The following SYT14 variants were observed in gnomAD, a reference collection of about 807,000 sequenced individuals.
SYT14 encodes synaptotagmin 14, also known as synaptotagmin-14.
A neutral mutation model predicts 74.2 loss-of-function variants in SYT14; 32 were observed. The ratio of observed to expected loss-of-function variants is 0.43; its 90% CI spans 0.33 to 0.58. SYT14 has a LOEUF of 0.58. SYT14 is among the 20% of genes least tolerant of loss of function. The pLI, the probability that SYT14 is intolerant of heterozygous loss-of-function variation, is 0.05. For missense variants in SYT14, 791 were observed against 981.8 expected (o/e 0.81, Z 2.60); for synonymous variants, 298 against 337.7 (o/e 0.88, Z 1.29).
At chr1:209,958,384 A>G (rs557967012) in intron 2 of SYT14, among the ~76,000 whole-genome samples, 1 of 151,964 alleles carries the variant, frequency 6.6e-6, no homozygotes, top group East Asian at 1.9e-4. Flanking sequence ...TTGATTTTCC[A>G]TATAAAGTTC....
chr1:210,043,051 C>A (rs12059259), intron 5 of SYT14, among the ~76,000 whole-genome samples: 24,791 of 152,042 alleles, frequency 0.16, 6,419 homozygotes, highest in African/African-American at 0.55. Flanking sequence ...TGTAGTTCTC[C>A]TTGAAGAGGT....
exon 10 of SYT14, chr1:210,164,724 G>A (rs2083437833): frequency 6.6e-6 from 1 of 152,030 alleles, no homozygotes; most frequent in African/African-American, 2.4e-5. Flanking sequence ...TGCCTACATA[G>A]ACTAGACAAT....
intron 7 of SYT14, among the ~76,000 whole-genome samples, chr1:210,141,980 C>T (rs2082924420): frequency 1.3e-5 from 2 of 152,212 alleles, no homozygotes; most frequent in Non-Finnish European, 2.9e-5. Flanking sequence ...AGAGCCAGTA[C>T]TGCTTCTTTG....
chr1:210,157,441 T>TA (rs879726502), intron 8 of SYT14, among the ~76,000 whole-genome samples: 392 of 118,244 alleles, frequency 3.3e-3, no homozygotes, highest in Middle Eastern at 8.2e-3. Flanking sequence ...GACCCTGTCT[T>TA]AAAAAAAAAA....
chr1:209,964,806 C>G (rs1397421887), intron 2 of SYT14, among the ~76,000 whole-genome samples: 1 of 151,806 alleles, frequency 6.6e-6, no homozygotes, highest in Non-Finnish European at 1.5e-5. Context: ...CACCCTCTTC[C>G]TAGCTTGCAA....
At chr1:210,140,307 A>G (rs2082888368) in intron 7 of SYT14, among the ~76,000 whole-genome samples, 1 of 152,066 alleles carries the variant, frequency 6.6e-6, no homozygotes. Context: ...TTGCCTTTGG[A>G]TAAATTTGGA....
chr1:209,947,706 A>T (rs952793292), intron 1 of SYT14, among the ~76,000 whole-genome samples: 2 of 152,252 alleles, frequency 1.3e-5, no homozygotes, highest in African/African-American at 4.8e-5. Flanking sequence ...AAGAAACTGT[A>T]GGGTTTGAGA....
At chr1:210,004,277 T>C (rs563315938) in intron 2 of SYT14, among the ~76,000 whole-genome samples, 2 of 152,194 alleles carry the variant, frequency 1.3e-5, no homozygotes, top group Non-Finnish European at 2.9e-5. Flanking sequence ...TGTATCTTTC[T>C]TTCTTTCAGA....
At position 210,000,716 on chromosome 1, in the gene SYT14, T is replaced by A. The variant is rs553097411; in HGVS notation, c.-485-12917T>A. The stretch of plus-strand genomic sequence containing the variant: ...TGCAACCTCTGCCCTCCGAGTCAAG[T>A]GATTCTCCTGCCTCAGCCTCCCTAG... On this transcript the variant is annotated intron_variant, in intron 2 of 9. Coordinates refer to ENST00000637265, the Ensembl canonical transcript of SYT14. Among the ~76,000 whole-genome samples, 33 of 147,684 alleles carry A rather than the reference T, an allele frequency of 2.2e-4. No homozygotes were observed. The South Asian group carries it at 6.8e-3, about 31-fold the overall frequency.
At chr1:210,083,696 A>G (rs1192126681) in intron 5 of SYT14, among the ~76,000 whole-genome samples, 1 of 151,526 alleles carries the variant, frequency 6.6e-6, no homozygotes, top group Non-Finnish European at 1.5e-5. Flanking sequence ...CAGCCTCCTG[A>G]GTAGCTGGGA....
intron 5 of SYT14, among the ~76,000 whole-genome samples, chr1:210,088,296 C>T (rs2081782763): frequency 6.6e-6 from 1 of 151,474 alleles, no homozygotes; most frequent in Non-Finnish European, 1.5e-5. Flanking sequence ...GTTTGCTGCA[C>T]TGATCAACCG....
chr1:210,044,549 C>G (rs2080851103), intron 5 of SYT14, among the ~76,000 whole-genome samples: 1 of 152,154 alleles, frequency 6.6e-6, no homozygotes, highest in Non-Finnish European at 1.5e-5. Context: ...TTCTGCCAGG[C>G]AATGTGATAG....
At chr1:209,964,775 A>G (rs967198891) in intron 2 of SYT14, among the ~76,000 whole-genome samples, 3 of 152,140 alleles carry the variant, frequency 2.0e-5, no homozygotes, top group African/African-American at 7.2e-5. Context: ...CAAGGTTTTC[A>G]TGGAGGGCTT....
At chr1:209,997,250 A>T (rs1212228497) in intron 2 of SYT14, among the ~76,000 whole-genome samples, 1 of 152,150 alleles carries the variant, frequency 6.6e-6, no homozygotes, top group East Asian at 1.9e-4. Context: ...GGCTGCAAGA[A>T]CTGATGAACA....
chr1:210,073,957 G>T (rs2081442425), intron 5 of SYT14, among the ~76,000 whole-genome samples: 1 of 152,036 alleles, frequency 6.6e-6, no homozygotes, highest in Admixed American at 6.5e-5. Flanking sequence ...ATTTCAAGTT[G>T]TTGATTGAGT....
chr1:210,023,356 T>C (rs928683703), intron 5 of SYT14, among the ~76,000 whole-genome samples: 8 of 152,050 alleles, frequency 5.3e-5, no homozygotes, highest in Non-Finnish European at 1.2e-4. Flanking sequence ...AAAGACAAAC[T>C]TTCTTGAGAT....
exon 10 of SYT14, chr1:210,162,293 G>A: frequency 2.3e-6 from 1 of 441,288 alleles, no homozygotes; most frequent in Non-Finnish European, 4.5e-6. Context: ...GCAAAATTAA[G>A]CCTTCGATTT....
chr1:210,105,046 C>CG (rs2082134499), intron 7 of SYT14, among the ~76,000 whole-genome samples: 2 of 151,904 alleles, frequency 1.3e-5, no homozygotes, highest in South Asian at 4.1e-4. Context: ...AAATGGTTCT[C>CG]GAAGTATGAT....
At chr1:209,986,428 A>G (rs1572114953) in intron 2 of SYT14, among the ~76,000 whole-genome samples, 2 of 151,640 alleles carry the variant, frequency 1.3e-5, no homozygotes, top group Non-Finnish European at 2.9e-5. Flanking sequence ...ACATGCTGAA[A>G]CCCTGCCTCT....
Sources: gnomAD v4.1 joint callset for allele counts (sites outside exome capture counted in the v4.1 genomes callset) on GRCh38, gnomAD v4.1.1 for gene constraint, MANE v1.5 for transcripts, NCBI Gene and HGNC (gene_info 2026-07-23, HGNC 2026-07-21) for gene names.